The following SLC25A30 variants were observed in gnomAD, a reference collection of about 807,000 sequenced individuals.
The protein encoded by SLC25A30 is kidney mitochondrial carrier protein 1.
A neutral mutation model predicts 42.7 loss-of-function variants in SLC25A30; 29 were observed. The observed-to-expected ratio is 0.68, with a 90% CI of 0.51 to 0.93. The LOEUF is 0.93. Ranked by LOEUF, SLC25A30 falls within the 40% of genes least tolerant of loss-of-function variation. The probability of loss-of-function intolerance (pLI) is 0.00; values close to 1 mark genes in which losing one functional copy is unlikely to be tolerated. For synonymous variants in SLC25A30, 124 were observed against 131.0 expected, an observed-to-expected ratio of 0.95 and a Z score of 0.37; for missense variants, 300 against 359.7, an observed-to-expected ratio of 0.83 and a Z score of 1.34.
intron 9 of SLC25A30, 40 bp downstream of exon 9, chr13:45,397,218 C>A: frequency 8.0e-7 from 1 of 1,256,224 alleles, no homozygotes; most frequent in Non-Finnish European, 1.2e-6. Context: ...TATTCTTTAG[C>A]TGTATCTTTT....
Position 45,409,035 on chromosome 13 carries a change from A to G in SLC25A30, c.104T>C (p.Ile35Thr). ...TTTTGCATCATTCGTCTGGCCTTGA[A>G]TCTGGAGCCGTGTCTTGGTTAAATC... is the stretch of plus-strand genomic sequence containing the variant. The part of the protein sequence containing the change: ...PIDLTKTRLQ[I>T]QGQTNDAKFK... The change falls in exon 3 of 10, where the codon ATT becomes ACT. Residue 35 changes from isoleucine to threonine, a missense_variant. Physicochemically the swap from Ile to Thr is moderately conservative, Grantham distance 89. Transcript: ENST00000519676. The G allele has an allele frequency of 6.2e-7, 1 of 1,612,984 alleles. No individual in the cohort carries two copies. The highest frequency in any genetic ancestry group is 8.5e-7 in the Non-Finnish European group (1 of 1,179,562).
At position 45,409,164 on chromosome 13, in the gene SLC25A30, C is replaced by T. The variant is rs1258856787; in HGVS notation, c.65-90G>A. 3 of 923,884 alleles carry T rather than the reference C, an allele frequency of 3.2e-6. No homozygotes were observed. The African/African-American group carries it at 5.1e-5, about 16-fold the overall frequency. The allele number at this position is 923,884 out of a possible 1,614,324, so 57.2% of individuals were successfully genotyped here. ...ATATATTACTGAGGAAACATTCAGA[C>T]TACAATATAAACTAAGAAAGTGATT... On this transcript the variant is annotated intron_variant, in intron 2 of 9. Coordinates refer to ENST00000519676, the MANE Select transcript of SLC25A30 (RefSeq NM_001010875.4).
At chr13:45,398,235 T>C in intron 8 of SLC25A30, 1 of 162,054 alleles carries the variant, frequency 6.2e-6, no homozygotes, top group Middle Eastern at 3.1e-3. Flanking sequence ...ATGTTCTCAT[T>C]TTTAAGTGGG....
intron 5 of SLC25A30, among the ~76,000 whole-genome samples, chr13:45,403,836 T>A (rs1313325781): frequency 1.3e-5 from 2 of 149,816 alleles, no homozygotes; most frequent in Non-Finnish European, 2.9e-5. Flanking sequence ...CTCAGGAGGC[T>A]AAGGCAGGAG....
upstream of SLC25A30, chr13:45,420,189 T>G (rs190099209): frequency 3.3e-5 from 5 of 152,360 alleles, no homozygotes; most frequent in African/African-American, 1.2e-4. Flanking sequence ...ATAACTGCCC[T>G]GTTACAGAAC....
the SLC25A30 span, among the ~76,000 whole-genome samples, chr13:45,424,642 C>CATAAATATATATAAATATAT: frequency 0.11 from 3,188 of 28,056 alleles, 628 homozygotes; most frequent in African/African-American, 0.3. Context: ...TGTATATAAA[C>CATAAATATATATAAATATAT]ATAAATATAT....
chr13:45,398,723 T>C, intron 8 of SLC25A30: 1 of 404,166 alleles, frequency 2.5e-6, no homozygotes, highest in South Asian at 4.5e-5. Flanking sequence ...TCACAGGAAA[T>C]ATTTCCTCAC....
intron 9 of SLC25A30, chr13:45,396,389 C>T (rs1593594267): frequency 1.3e-5 from 14 of 1,053,992 alleles, no homozygotes; most frequent in East Asian, 1.3e-4. Context: ...TTCCACTATG[C>T]ATCCTTCCTT....
In SLC25A30 at chr13:45,394,236, C is replaced by G. The variant is rs1479072392; in HGVS notation, c.*1738G>C. 1.0e-6 allele frequency: 1 copy of G among 984,494 alleles called. No homozygotes were observed. Among genetic ancestry groups the G allele is most frequent in the African/African-American group, 1.8e-5 (1 of 57,128 alleles). 61.0% of individuals were successfully genotyped at this position (984,494 alleles called of 1,614,324 possible). On this transcript the variant is annotated 3_prime_UTR_variant, in exon 10 of 10. Transcript: ENST00000519676. ...TCAGCAATTAACAGGTAACCCTACC[C>G]CACTGCACCCCGCCCCCGCCCCCAC...
At chr13:45,423,829 T>A in the SLC25A30 span, among the ~76,000 whole-genome samples, 1 of 73,596 alleles carries the variant, frequency 1.4e-5, no homozygotes. Context: ...TAAATATATA[T>A]TTATATATAT....
the SLC25A30 span, among the ~76,000 whole-genome samples, chr13:45,423,852 A>C: frequency 3.0e-5 from 2 of 65,672 alleles, no homozygotes; most frequent in African/African-American, 6.9e-5. Context: ...ATATGTAAAT[A>C]TATATATAAA....
the SLC25A30 span, among the ~76,000 whole-genome samples, chr13:45,429,842 A>C: frequency 0.15 from 23,492 of 151,824 alleles, 1,853 homozygotes; most frequent in Non-Finnish European, 0.17. Flanking sequence ...CTCAGAAAAA[A>C]AAAAACAAAA....
At chr13:45,423,592 T>TATATATAAA in the SLC25A30 span, among the ~76,000 whole-genome samples, 25 of 23,716 alleles carry the variant, frequency 1.1e-3, no homozygotes, top group Non-Finnish European at 2.5e-3. Flanking sequence ...TATATATAAA[T>TATATATAAA]ATATATATAT....
chr13:45,395,125 C>T lies in SLC25A30; in HGVS notation c.*849G>A, dbSNP rs1267956385. 1.0e-6 allele frequency: 1 copy of T among 985,452 alleles called. No individual in the cohort carries two copies. The highest frequency in any genetic ancestry group is 1.2e-6 in the Non-Finnish European group (1 of 829,940). 61.0% of individuals were successfully genotyped at this position (985,452 alleles called of 1,614,324 possible). A position where few individuals can be genotyped will look rare whatever the true frequency, so the allele number is the denominator to read the frequency against. On this transcript the variant is annotated 3_prime_UTR_variant, in exon 10 of 10. Coordinates refer to ENST00000519676, the MANE Select transcript of SLC25A30 (RefSeq NM_001010875.4). ...CTTTCCAGTCAAGTAGCAGCAGCTA[C>T]TATTTGTTCTTCATTTGACCCTCTA... is the stretch of plus-strand genomic sequence containing the variant.
chr13:45,395,946 G>C lies in SLC25A30; in HGVS notation c.*28C>G, dbSNP rs1881274677. 6.2e-7 allele frequency: 1 copy of C among 1,614,042 alleles called. No individual in the cohort carries two copies. The highest frequency in any genetic ancestry group is 8.5e-7 in the Non-Finnish European group (1 of 1,180,028). Reference sequence around the variant, plus strand: ...GCTGTTTCAGAAGTTACCATTTTCAGAAAGATGTCTCATGCAGCCTTGGCT... The same window carrying C: ...GCTGTTTCAGAAGTTACCATTTTCACAAAGATGTCTCATGCAGCCTTGGCT... On this transcript the variant is annotated 3_prime_UTR_variant, in exon 10 of 10. Transcript: ENST00000519676.
chr13:45,432,131 A>G, the SLC25A30 span, among the ~76,000 whole-genome samples: 1 of 151,854 alleles, frequency 6.6e-6, no homozygotes, highest in Non-Finnish European at 1.5e-5. Context: ...CAAACCGGGC[A>G]TGGTAGTGCG....
chr13:45,424,113 A>G, the SLC25A30 span, among the ~76,000 whole-genome samples: 3 of 86,844 alleles, frequency 3.5e-5, no homozygotes, highest in African/African-American at 4.8e-5. Context: ...AAAAATATAT[A>G]TAAATATATA....
the SLC25A30 span, among the ~76,000 whole-genome samples, chr13:45,432,641 A>C: frequency 3.9e-5 from 6 of 152,026 alleles, no homozygotes; most frequent in African/African-American, 1.4e-4. Context: ...AATTTCAAAA[A>C]TATGATATTA....
Position 45,394,455 on chromosome 13 carries a change from G to T in SLC25A30, c.*1519C>A, listed in dbSNP as rs375658091. On this transcript the variant is annotated 3_prime_UTR_variant, in exon 10 of 10. Coordinates refer to ENST00000519676, the MANE Select transcript of SLC25A30 (RefSeq NM_001010875.4). ...GACTGGCCAGACTGGGAATTTGGCC[G>T]CACTACTGTGGAAGGAGAATGCCCT... The T allele has an allele frequency of 3.0e-6, 3 of 985,240 alleles. No homozygotes were observed. The highest frequency in any genetic ancestry group is 3.6e-6 in the Non-Finnish European group (3 of 829,924). 61.0% of individuals were successfully genotyped at this position (985,240 alleles called of 1,614,324 possible). A position where few individuals can be genotyped will look rare whatever the true frequency, so the allele number is the denominator to read the frequency against.
Sources: gnomAD v4.1 joint callset for allele counts (sites outside exome capture counted in the v4.1 genomes callset) on GRCh38, gnomAD v4.1.1 for gene constraint, MANE v1.5 for transcripts, NCBI Gene and HGNC (gene_info 2026-07-23, HGNC 2026-07-21) for gene names.